Variants in KCNJ6 observed in about 807,000 individuals in gnomAD.
KCNJ6 encodes potassium inwardly rectifying channel subfamily J member 6.
KCNJ6 carries 9 observed loss-of-function variants against 34.2 expected under a neutral mutation model. The observed-to-expected ratio is 0.26, with a 90% CI of 0.16 to 0.46. KCNJ6 has a LOEUF of 0.46. Ranked by LOEUF, KCNJ6 falls within the 20% of genes least tolerant of loss-of-function variation. The pLI is 1.00. For synonymous variants in KCNJ6, 196 were observed against 207.1 expected (o/e 0.95, Z 0.46); for missense variants, 236 against 531.3 (o/e 0.44, Z 5.46).
intron 1 of KCNJ6, among the ~76,000 whole-genome samples, chr21:37,850,969 G>C (rs7364074): frequency 0.42 from 63,044 of 151,452 alleles, 13,736 homozygotes; most frequent in Non-Finnish European, 0.48. Context: ...TTGATTGATT[G>C]ATTCATTCAT....
In KCNJ6 at chr21:37,715,074, T is replaced by A. The variant is rs563540734; in HGVS notation, c.83A>T (p.His28Leu). 8 of 1,614,186 alleles carry A rather than the reference T, an allele frequency of 5.0e-6. No individual in the cohort carries two copies. In the South Asian group the frequency reaches 7.7e-5, roughly 16 times the overall value. Residue 28 changes from histidine (H) to leucine (L), a missense_variant, in exon 3 of 4, where the codon CAC (histidine) becomes CTC (leucine). By Grantham distance (99) the His-to-Leu change is moderately conservative. This residue lies in a region of KCNJ6 where 64 missense variants were observed against 68.9 expected (regional missense o/e 0.93). Coordinates refer to ENST00000609713, the MANE Select transcript of KCNJ6 (RefSeq NM_002240.5). ...DQDVESPVAI[H>L]QPKLPKQARD... ...GGCCTGCTTAGGCAACTTTGGCTGGTGAATGGCCACTGGGCTTTCGACGTC... is the reference window on the plus strand; with the variant it reads ...GGCCTGCTTAGGCAACTTTGGCTGGAGAATGGCCACTGGGCTTTCGACGTC...
chr21:37,780,441 G>A (rs2055163737), intron 2 of KCNJ6, among the ~76,000 whole-genome samples: 4 of 152,172 alleles, frequency 2.6e-5, no homozygotes, highest in Admixed American at 2.0e-4. Flanking sequence ...ACAACATAGA[G>A]TGAACCCTAA....
At chr21:37,788,756 G>T (rs763575629) in intron 2 of KCNJ6, among the ~76,000 whole-genome samples, 1 of 152,218 alleles carries the variant, frequency 6.6e-6, no homozygotes, top group African/African-American at 2.4e-5. Flanking sequence ...CCAGCCAGCC[G>T]CAGCTAGCTT....
At chr21:37,759,120 GGGA>G (rs1467842242) in intron 2 of KCNJ6, among the ~76,000 whole-genome samples, 1 of 152,154 alleles carries the variant, frequency 6.6e-6, no homozygotes, top group Non-Finnish European at 1.5e-5. Context: ...TTTGAGGCTG[GGGA>G]GGAGATCAGC....
chr21:37,666,145 G>A (rs1031342483), intron 3 of KCNJ6, among the ~76,000 whole-genome samples: 3 of 152,184 alleles, frequency 2.0e-5, no homozygotes, highest in Non-Finnish European at 4.4e-5. Flanking sequence ...CGGGAGTGAA[G>A]GGATCCTATC....
At chr21:37,827,236 A>G (rs1568863127) in intron 2 of KCNJ6, among the ~76,000 whole-genome samples, 1 of 152,160 alleles carries the variant, frequency 6.6e-6, no homozygotes. Flanking sequence ...CCAGGAAGCA[A>G]TCACCCTCTA....
At chr21:37,827,505 A>G (rs2055404767) in intron 2 of KCNJ6, among the ~76,000 whole-genome samples, 1 of 150,730 alleles carries the variant, frequency 6.6e-6, no homozygotes, top group Non-Finnish European at 1.5e-5. Flanking sequence ...AAAATCATAG[A>G]GTGACATCAT....
chr21:37,748,089 C>T (rs377016058), intron 2 of KCNJ6, among the ~76,000 whole-genome samples: 89 of 152,240 alleles, frequency 5.8e-4, no homozygotes, highest in African/African-American at 2.1e-3. Context: ...GACCAGAAAC[C>T]CCTCCACACG....
intron 3 of KCNJ6, among the ~76,000 whole-genome samples, chr21:37,664,109 A>ACTT (rs2054502885): frequency 6.6e-6 from 1 of 152,210 alleles, no homozygotes; most frequent in Non-Finnish European, 1.5e-5. Context: ...TTGAATCTAA[A>ACTT]TAATTTATCA....
chr21:37,725,590 G>A (rs1040955936), intron 2 of KCNJ6, among the ~76,000 whole-genome samples: 1 of 152,170 alleles, frequency 6.6e-6, no homozygotes, highest in African/African-American at 2.4e-5. Context: ...CAGTCTTTCC[G>A]GAAGGAAGGG....
At chr21:37,665,849 G>A (rs2054511538) in intron 3 of KCNJ6, among the ~76,000 whole-genome samples, 1 of 152,204 alleles carries the variant, frequency 6.6e-6, no homozygotes, top group Admixed American at 6.5e-5. Context: ...GTGTGAGCTG[G>A]TGCCAGAGGT....
chr21:37,613,532 G>C lies in KCNJ6; in HGVS notation c.*11627C>G, dbSNP rs1186810277. 1.4e-5 allele frequency: 2 copies of C among 140,946 alleles called. No individual in the cohort carries two copies. Among genetic ancestry groups the C allele is most frequent in the Non-Finnish European group, 3.3e-5 (2 of 61,230 alleles). 8.7% of individuals were successfully genotyped at this position (140,946 alleles called of 1,614,324 possible). A position where few individuals can be genotyped will look rare whatever the true frequency, so the allele number is the denominator to read the frequency against. ...AAGCAACCAAGGTGTCCTTCAGTAG[G>C]TGAATGGATAAATAAACAGTGGTAC... On this transcript the variant is annotated 3_prime_UTR_variant, in exon 4 of 4. Transcript: ENST00000609713.
At chr21:37,757,861 C>T (rs1338665834) in intron 2 of KCNJ6, among the ~76,000 whole-genome samples, 1 of 152,256 alleles carries the variant, frequency 6.6e-6, no homozygotes, top group Non-Finnish European at 1.5e-5. Context: ...AAATCCAATT[C>T]CCACAAAATG....
At chr21:37,902,270 T>C (rs1443446508) in intron 1 of KCNJ6, among the ~76,000 whole-genome samples, 1 of 152,240 alleles carries the variant, frequency 6.6e-6, no homozygotes, top group Non-Finnish European at 1.5e-5. Context: ...AACACAAATT[T>C]ATTCCTTCTC....
At chr21:37,631,199 G>T (rs2123367354) in intron 3 of KCNJ6, among the ~76,000 whole-genome samples, 1 of 152,262 alleles carries the variant, frequency 6.6e-6, no homozygotes, top group South Asian at 2.1e-4. Flanking sequence ...ATGGTTAAGT[G>T]AAAAGAGTAG....
chr21:37,910,127 C>T (rs200608129), intron 1 of KCNJ6, among the ~76,000 whole-genome samples: 2 of 152,286 alleles, frequency 1.3e-5, no homozygotes, highest in East Asian at 3.9e-4. Flanking sequence ...AGCAGAGCCA[C>T]AGCTGACCAG....
At chr21:37,660,317 A>T (rs921310486) in intron 3 of KCNJ6, among the ~76,000 whole-genome samples, 12 of 152,256 alleles carry the variant, frequency 7.9e-5, no homozygotes, top group Non-Finnish European at 1.0e-4. Context: ...GGCGAGAGAT[A>T]AGAAATATCA....
intron 2 of KCNJ6, among the ~76,000 whole-genome samples, chr21:37,823,783 C>T (rs1280564797): frequency 6.6e-6 from 1 of 152,064 alleles, no homozygotes; most frequent in Non-Finnish European, 1.5e-5. Context: ...GACTAATACA[C>T]CATAGAAGCA....
chr21:37,854,592 T>C (rs2055555134), intron 1 of KCNJ6, among the ~76,000 whole-genome samples: 1 of 152,230 alleles, frequency 6.6e-6, no homozygotes, highest in Non-Finnish European at 1.5e-5. Context: ...AGAATGACTA[T>C]AGTTAATGAT....
Sources: allele counts gnomAD v4.1 joint callset (sites outside exome capture counted in the v4.1 genomes callset), GRCh38; gene constraint gnomAD v4.1.1; regional missense constraint gnomAD v4.1.1; transcripts MANE v1.5; gene names NCBI Gene and HGNC (gene_info 2026-07-23, HGNC 2026-07-21).